PTBP3: variants seen among roughly 807,000 people sequenced by gnomAD.
PTBP3 encodes the protein polypyrimidine tract-binding protein 3.
Under a neutral mutation model 58.7 loss-of-function variants are expected in PTBP3, and 20 were observed. The ratio of observed to expected loss-of-function variants is 0.34; its 90% CI spans 0.24 to 0.50. The LOEUF is 0.50. Among genes scored for constraint, PTBP3 ranks in the 20% least tolerant of loss-of-function variants. The pLI is 0.98. For missense variants in PTBP3, 509 were observed against 637.2 expected (o/e 0.80, Z 2.17); for synonymous variants, 185 against 219.8 (o/e 0.84, Z 1.40).
the PTBP3 span, among the ~76,000 whole-genome samples, chr9:112,378,033 T>C: frequency 6.6e-6 from 1 of 152,234 alleles, no homozygotes; most frequent in Non-Finnish European, 1.5e-5. Context: ...CTATTCTTCA[T>C]GCTGCAGTCA....
chr9:112,377,452 T>C, the PTBP3 span, among the ~76,000 whole-genome samples: 1 of 152,200 alleles, frequency 6.6e-6, no homozygotes, highest in African/African-American at 2.4e-5. Flanking sequence ...CAATGCATTC[T>C]AGAAAGATCA....
intron 7 of PTBP3, among the ~76,000 whole-genome samples, chr9:112,248,246 T>A (rs1349931876): frequency 4.6e-5 from 7 of 151,558 alleles, no homozygotes; most frequent in Admixed American, 4.6e-4. Flanking sequence ...AGAGAATAAA[T>A]CAACAAGCCA....
At chr9:112,312,713 G>T (rs947586908) in intron 1 of PTBP3, among the ~76,000 whole-genome samples, 9 of 151,866 alleles carry the variant, frequency 5.9e-5, no homozygotes, top group African/African-American at 2.2e-4. Flanking sequence ...ATAAATCAAT[G>T]AAATTCACCA....
intron 5 of PTBP3, among the ~76,000 whole-genome samples, chr9:112,254,979 A>G (rs1035378339): frequency 6.6e-6 from 1 of 152,240 alleles, no homozygotes; most frequent in Non-Finnish European, 1.5e-5. Context: ...GTGTTCATCA[A>G]TGAATAAATG....
At chr9:112,231,180 G>T (rs557686242) in intron 10 of PTBP3, among the ~76,000 whole-genome samples, 200 bp downstream of exon 10, 5 of 150,066 alleles carry the variant, frequency 3.3e-5, no homozygotes, top group Non-Finnish European at 5.9e-5. Flanking sequence ...GTCTCCCTGC[G>T]TTACACTCCC....
chr9:112,224,058 C>G, intron 13 of PTBP3, 75 bp from the exon 14 acceptor site: 1 of 1,552,472 alleles, frequency 6.4e-7, no homozygotes, highest in Non-Finnish European at 8.8e-7. Context: ...CACCAGAAGA[C>G]TTCACTGAAC....
chr9:112,219,968 T>C lies in PTBP3; in HGVS notation c.*3883A>G. 1.6e-6 allele frequency: 1 copy of C among 619,724 alleles called. No individual in the cohort carries two copies. The highest frequency in any genetic ancestry group is 2.1e-6 in the Non-Finnish European group (1 of 476,976). 38.4% of individuals were successfully genotyped at this position (619,724 alleles called of 1,614,324 possible). A position where few individuals can be genotyped will look rare whatever the true frequency, so the allele number is the denominator to read the frequency against. ...GACAGCTGAGTTATATTTTCAAATT[T>C]TGTGCAATCTAAATTGTATTTCTTT... is the stretch of plus-strand genomic sequence containing the variant. On this transcript the variant is annotated 3_prime_UTR_variant, in exon 14 of 14. Transcript: ENST00000374257.
At chr9:112,229,310 T>C (rs1589797095) in intron 10 of PTBP3, among the ~76,000 whole-genome samples, 2 of 152,232 alleles carry the variant, frequency 1.3e-5, no homozygotes, top group Non-Finnish European at 2.9e-5. Flanking sequence ...ACACCTATAA[T>C]CCCAGCACTT....
At chr9:112,303,299 G>A (rs747464767) in intron 1 of PTBP3, among the ~76,000 whole-genome samples, 8 of 152,124 alleles carry the variant, frequency 5.3e-5, no homozygotes, top group Non-Finnish European at 1.2e-4. Context: ...AAGTGAAAAG[G>A]TTCAACTTAA....
chr9:112,218,075 T>C (rs1834682326), downstream of PTBP3: 1 of 152,140 alleles, frequency 6.6e-6, no homozygotes, highest in South Asian at 2.1e-4. Flanking sequence ...GTGTTCCAAC[T>C]GTAGTTTGGC....
the PTBP3 span, among the ~76,000 whole-genome samples, chr9:112,361,760 CTT>C: frequency 6.6e-6 from 1 of 152,052 alleles, no homozygotes; most frequent in Non-Finnish European, 1.5e-5. Flanking sequence ...TGGAATTGCT[CTT>C]TTGACTGTGG....
chr9:112,310,425 T>A (rs952600585), intron 1 of PTBP3, among the ~76,000 whole-genome samples: 1 of 152,258 alleles, frequency 6.6e-6, no homozygotes, highest in Non-Finnish European at 1.5e-5. Flanking sequence ...TTCATTTGTA[T>A]ATTTATTCAG....
In PTBP3 at chr9:112,253,988, T is replaced by C. The variant is rs185618627; in HGVS notation, c.517-1200A>G. Among the ~76,000 whole-genome samples, 37 of 152,316 alleles carry C rather than the reference T, an allele frequency of 2.4e-4. 1 individual carries two copies. The highest frequency in any genetic ancestry group is 2.4e-3 in the Admixed American group (36 of 15,290). ...TTAAAACAAGAATTTGTTCTGCTTT[T>C]GAGATTAAAAAAGTTAAGTATTCCC... On this transcript the variant is annotated intron_variant, in intron 5 of 13. Transcript: ENST00000374257.
intron 7 of PTBP3, among the ~76,000 whole-genome samples, chr9:112,236,228 G>C (rs1589806054): frequency 1.3e-5 from 2 of 152,198 alleles, no homozygotes; most frequent in South Asian, 2.1e-4. Context: ...TGCAGGGATA[G>C]AATTAGCACA....
rs937102150 is a variant in PTBP3 at position 112,219,786 on chromosome 9, A to G, written c.*4065T>C. On this transcript the variant is annotated 3_prime_UTR_variant, in exon 14 of 14. Transcript: ENST00000374257. ...CAATTAAGACTACTGAAGAAGGCAC[A>G]TAAACTTTGGTCCTGTTTTTTCTCC... 5.2e-5 allele frequency: 8 copies of G among 153,672 alleles called. No individual in the cohort carries two copies. The highest frequency in any genetic ancestry group is 1.0e-4 in the Non-Finnish European group (7 of 68,786). The allele number at this position is 153,672 out of a possible 1,614,324, so 9.5% of individuals were successfully genotyped here.
the PTBP3 span, among the ~76,000 whole-genome samples, chr9:112,365,807 A>C: frequency 6.6e-6 from 1 of 152,180 alleles, no homozygotes; most frequent in East Asian, 1.9e-4. Flanking sequence ...GATATGGATA[A>C]TGAAATCCAG....
intron 2 of PTBP3, among the ~76,000 whole-genome samples, chr9:112,283,028 T>C (rs1827944912): frequency 6.6e-6 from 1 of 152,210 alleles, no homozygotes; most frequent in African/African-American, 2.4e-5. Context: ...CATGTGAGAC[T>C]TGCCTGCTTC....
chr9:112,292,127 T>C lies in PTBP3; in HGVS notation c.34+5705A>G, dbSNP rs892033170. Among the ~76,000 whole-genome samples, 137 of 152,154 alleles carry C rather than the reference T, an allele frequency of 9.0e-4. 9 individuals are homozygous for C. The highest frequency in any genetic ancestry group is 1.5e-4 in the Non-Finnish European group (10 of 68,000). Reference sequence around the variant, plus strand: ...ACAAAAAATAGGTAAAGGACTTGAATAGACATTTCTCTGAAGAAGATATAC... The same window carrying C: ...ACAAAAAATAGGTAAAGGACTTGAACAGACATTTCTCTGAAGAAGATATAC... On this transcript the variant is annotated intron_variant, in intron 2 of 13. Transcript: ENST00000374257.
chr9:112,364,177 CTTTTTTTTTTT>C, the PTBP3 span, among the ~76,000 whole-genome samples: 1 of 73,502 alleles, frequency 1.4e-5, no homozygotes, highest in Non-Finnish European at 2.3e-5. Flanking sequence ...TAGGTCAGTT[CTTTTTTTTTTT>C]TTTTTTTTTT....
Sources: gnomAD v4.1 joint callset for allele counts (sites outside exome capture counted in the v4.1 genomes callset) on GRCh38, gnomAD v4.1.1 for gene constraint, MANE v1.5 for transcripts, NCBI Gene and HGNC (gene_info 2026-07-23, HGNC 2026-07-21) for gene names.